MAP3K7CL: variants seen among roughly 807,000 people sequenced by gnomAD.
MAP3K7CL encodes the protein MAP3K7 C-terminal-like protein.
A neutral mutation model predicts 18.6 loss-of-function variants in MAP3K7CL; 16 were observed. The ratio of observed to expected loss-of-function variants is 0.86; its 90% CI spans 0.58 to 1.31. MAP3K7CL has a LOEUF of 1.31. Among genes scored for constraint, MAP3K7CL ranks in the 50% most tolerant of loss-of-function variants. The pLI is 0.00. For missense variants in MAP3K7CL, 163 were observed against 174.4 expected (o/e 0.93, Z 0.37); for synonymous variants, 65 against 66.8 (o/e 0.97, Z 0.13).
At chr21:29,116,266 A>G (rs1456081041) in intron 4 of MAP3K7CL, among the ~76,000 whole-genome samples, 3 of 152,242 alleles carry the variant, frequency 2.0e-5, no homozygotes, top group Non-Finnish European at 4.4e-5. Context: ...AGTCACATGA[A>G]TTTAGAAGAG....
intron 2 of MAP3K7CL, among the ~76,000 whole-genome samples, chr21:29,140,407 A>G (rs2086980268): frequency 6.6e-6 from 1 of 152,228 alleles, no homozygotes; most frequent in Non-Finnish European, 1.5e-5. Flanking sequence ...CATCAATTTA[A>G]TATTGGCTGC....
upstream of MAP3K7CL, chr21:29,085,737 C>T (rs189294355): frequency 2.5e-4 from 223 of 885,688 alleles, no homozygotes; most frequent in African/African-American, 3.1e-3. Context: ...TGAATGCCAA[C>T]GGCATGGTTA....
At chr21:29,112,834 T>G (rs929987765) in intron 4 of MAP3K7CL, among the ~76,000 whole-genome samples, 7 of 152,158 alleles carry the variant, frequency 4.6e-5, no homozygotes, top group Non-Finnish European at 1.0e-4. Flanking sequence ...TTTTTTTCTT[T>G]TTTTTTGAGA....
chr21:29,173,808 C>T (rs2087900994), intron 4 of MAP3K7CL, among the ~76,000 whole-genome samples: 1 of 152,126 alleles, frequency 6.6e-6, no homozygotes, highest in Non-Finnish European at 1.5e-5. Flanking sequence ...CTCAAGTGAT[C>T]CTCCTGCCAC....
intron 2 of MAP3K7CL, among the ~76,000 whole-genome samples, chr21:29,147,773 C>G (rs2087170373): frequency 6.6e-6 from 1 of 150,834 alleles, no homozygotes; most frequent in Non-Finnish European, 1.5e-5. Context: ...TGTATGTGTA[C>G]TGTATATATC....
intron 4 of MAP3K7CL, among the ~76,000 whole-genome samples, chr21:29,098,767 C>T (rs906411150): frequency 9.4e-5 from 14 of 149,224 alleles, no homozygotes; most frequent in African/African-American, 3.5e-4. Context: ...TAGACTACCT[C>T]GCCAAACATT....
At chr21:29,098,481 A>T (rs2086162799) in intron 4 of MAP3K7CL, among the ~76,000 whole-genome samples, 1 of 152,194 alleles carries the variant, frequency 6.6e-6, no homozygotes, top group Admixed American at 6.5e-5. Flanking sequence ...TACTGGTTTT[A>T]AATTTCTTGA....
intron 4 of MAP3K7CL, among the ~76,000 whole-genome samples, chr21:29,099,510 C>T (rs1003833670): frequency 7.9e-5 from 12 of 152,072 alleles, no homozygotes; most frequent in African/African-American, 2.9e-4. Context: ...TAAAACATCT[C>T]AATATATATA....
At chr21:29,082,346 A>C (rs998454031), upstream of MAP3K7CL, among the ~76,000 whole-genome samples, 1 of 152,180 alleles carries the variant, frequency 6.6e-6, no homozygotes, top group Admixed American at 6.5e-5. Context: ...ATAATTTCTC[A>C]CAAAAAATTT....
intron 4 of MAP3K7CL, among the ~76,000 whole-genome samples, chr21:29,093,932 G>A (rs2086075465): frequency 6.6e-6 from 1 of 152,208 alleles, no homozygotes; most frequent in African/African-American, 2.4e-5. Flanking sequence ...GATTACTGTG[G>A]GGAGCAAATG....
chr21:29,174,637 A>G, intron 4 of MAP3K7CL, 75 bp from the exon 5 acceptor site: 1 of 1,504,074 alleles, frequency 6.6e-7, no homozygotes, highest in Non-Finnish European at 9.1e-7. Flanking sequence ...TACTTCCATC[A>G]TGCTATTACT....
chr21:29,147,916 T>C (rs2146681454), intron 2 of MAP3K7CL, among the ~76,000 whole-genome samples: 1 of 151,624 alleles, frequency 6.6e-6, no homozygotes, highest in Admixed American at 6.6e-5. Flanking sequence ...ATTGTATATG[T>C]ATGTGTACTG....
At chr21:29,106,168 T>C (rs941179432) in intron 4 of MAP3K7CL, among the ~76,000 whole-genome samples, 3 of 152,154 alleles carry the variant, frequency 2.0e-5, no homozygotes, top group African/African-American at 7.2e-5. Flanking sequence ...AAGACTCCTT[T>C]GAAAGTACTA....
At chr21:29,124,955 C>CA (rs905664440) in intron 4 of MAP3K7CL, among the ~76,000 whole-genome samples, 3 of 152,030 alleles carry the variant, frequency 2.0e-5, no homozygotes, top group African/African-American at 7.2e-5. Flanking sequence ...TGGCCCTCTA[C>CA]AAAAAAAGTT....
At chr21:29,095,936 T>A (rs1026345307) in intron 4 of MAP3K7CL, among the ~76,000 whole-genome samples, 1 of 152,132 alleles carries the variant, frequency 6.6e-6, no homozygotes, top group Admixed American at 6.6e-5. Flanking sequence ...GTATCAGCTG[T>A]TTAAGAGGAA....
At chr21:29,156,858 G>A (rs1008904206) in intron 3 of MAP3K7CL, among the ~76,000 whole-genome samples, 2 of 152,166 alleles carry the variant, frequency 1.3e-5, no homozygotes, top group African/African-American at 4.8e-5. Flanking sequence ...GATGTCAACT[G>A]CCCTCTAAGA....
intron 2 of MAP3K7CL, among the ~76,000 whole-genome samples, chr21:29,134,005 A>G (rs1456759205): frequency 6.6e-6 from 1 of 152,160 alleles, no homozygotes; most frequent in South Asian, 2.1e-4. Flanking sequence ...CACACATTGA[A>G]TTGCACCACT....
chr21:29,080,813 G>C (rs2085823619), intron 1 of MAP3K7CL: 1 of 151,602 alleles, frequency 6.6e-6, no homozygotes, highest in Admixed American at 6.6e-5. Flanking sequence ...CTGTATTAAA[G>C]CCCTTCTGCT....
At chr21:29,102,826 T>C (rs1467188087) in intron 4 of MAP3K7CL, among the ~76,000 whole-genome samples, 2 of 152,166 alleles carry the variant, frequency 1.3e-5, no homozygotes, top group Non-Finnish European at 2.9e-5. Context: ...GAAGCTGCCA[T>C]GTGGTGAGGG....
Sources: gnomAD v4.1 joint callset for allele counts (sites outside exome capture counted in the v4.1 genomes callset) on GRCh38, gnomAD v4.1.1 for gene constraint, MANE v1.5 for transcripts, NCBI Gene and HGNC (gene_info 2026-07-23, HGNC 2026-07-21) for gene names.